The following DNMT3L variants were observed in gnomAD, a reference collection of about 807,000 sequenced individuals.
The protein encoded by DNMT3L is DNA methyltransferase 3 like.
DNMT3L carries 33 observed loss-of-function variants against 36.2 expected under a neutral mutation model. The observed-to-expected ratio is 0.91, with a 90% CI of 0.69 to 1.22. DNMT3L has a LOEUF of 1.22. Ranked by LOEUF, DNMT3L falls within the 50% of genes most tolerant of loss-of-function variation. The pLI is 0.00. For synonymous variants in DNMT3L, 117 were observed against 121.7 expected, an observed-to-expected ratio of 0.96 and a Z score of 0.26; for missense variants, 310 against 303.1, an observed-to-expected ratio of 1.02 and a Z score of -0.17.
At chr21:44,254,768 C>G in intron 7 of DNMT3L, 63 bp from the exon 8 acceptor site, 1 of 1,544,796 alleles carries the variant, frequency 6.5e-7, no homozygotes, top group Admixed American at 1.8e-5. Flanking sequence ...TACAGGGACT[C>G]GAAAAGGCTG....
intron 1 of DNMT3L, 146 bp from the exon 2 acceptor site, chr21:44,261,412 C>G: frequency 1.4e-6 from 1 of 708,604 alleles, no homozygotes; most frequent in Non-Finnish European, 2.4e-6. Flanking sequence ...CCCACCTGCC[C>G]AACCCAGGGA....
At chr21:44,253,545 C>T (rs529305443) in intron 8 of DNMT3L, among the ~76,000 whole-genome samples, 42 of 152,212 alleles carry the variant, frequency 2.8e-4, no homozygotes, top group African/African-American at 9.9e-4. Context: ...GGTGAAACCC[C>T]GTCTCTACTA....
rs764396119 is a variant in DNMT3L, at chr21:44,259,454, T to C, written c.327A>G (p.Gly109=). 1 of 1,613,618 alleles carries C rather than the reference T, an allele frequency of 6.2e-7. No individual in the cohort carries two copies. ...CGCCTCACCGGGTGCAATCAGGGTT[T>C]CCGCAGATGAGCAGCGTCTCTCCGG... is the stretch of plus-strand genomic sequence containing the variant. The part of the protein sequence containing the change: ...CCSGETLLIC[G]NPDCTRCYCF... The change falls in exon 5 of 12, where the codon GGA becomes GGG. Residue 109 remains glycine, a synonymous_variant. Transcript: ENST00000628202.
At chr21:44,260,407 A>G (rs2040306807) in intron 3 of DNMT3L, among the ~76,000 whole-genome samples, 1 of 152,214 alleles carries the variant, frequency 6.6e-6, no homozygotes, top group Non-Finnish European at 1.5e-5. Context: ...TATGCTTTAA[A>G]TGAAGCTACA....
Position 44,258,950 on chromosome 21 carries a change from C to G in DNMT3L, c.345-256G>C, listed in dbSNP as rs928305264. Among the ~76,000 whole-genome samples the G allele has an allele frequency of 3.9e-5, 6 of 152,132 alleles. No individual in the cohort carries two copies. The highest frequency in any genetic ancestry group is 3.9e-4 in the Admixed American group (6 of 15,268). On this transcript the variant is annotated intron_variant, in intron 5 of 11. Coordinates refer to ENST00000628202, the MANE Select transcript of DNMT3L (RefSeq NM_175867.3). The surrounding 1 kb of genome is among the most constrained non-coding windows in gnomAD (Gnocchi z 6.2). ...AGATCCAAGGAACCCCCTAAGCCAC[C>G]TGTCTGCCCCCAAACTCGAGCCTGC...
rs145033971 is a variant in DNMT3L, at chr21:44,258,558, G to T, written c.481C>A (p.Arg161Ser). Reference protein sequence around the residue: ...SGLLQRRRKWRSQLKAFYDRE... With the variant: ...SGLLQRRRKWSSQLKAFYDRE... ...TCGTAGAAGGCCTTGAGCTGGCTGC[G>T]CCACTTCCTCCGACGCTGCAGCAGC... Residue 161 changes from arginine to serine, a missense_variant, in exon 6 of 12, where the codon CGC (arginine) becomes AGC (serine). Physicochemically the swap from Arg to Ser is moderately radical, Grantham distance 110. Coordinates refer to ENST00000628202, the MANE Select transcript of DNMT3L (RefSeq NM_175867.3). The surrounding 1 kb of genome is among the most constrained non-coding windows in gnomAD (Gnocchi z 6.2). The T allele has an allele frequency of 6.4e-5, 103 of 1,597,650 alleles. No individual in the cohort carries two copies. The African/African-American group carries it at 1.2e-3, about 18-fold the overall frequency.
intron 3 of DNMT3L, among the ~76,000 whole-genome samples, chr21:44,260,557 A>G (rs1175433761): frequency 6.6e-6 from 1 of 152,150 alleles, no homozygotes; most frequent in Non-Finnish European, 1.5e-5. Flanking sequence ...AGCTCAAGCA[A>G]TCCTCCCAAC....
chr21:44,256,773 G>A (rs2040262497), intron 6 of DNMT3L, among the ~76,000 whole-genome samples: 1 of 152,054 alleles, frequency 6.6e-6, no homozygotes. Flanking sequence ...GGCTAGGCGG[G>A]CAGCCAGCTC....
At chr21:44,261,404 C>T (rs2146360774) in intron 1 of DNMT3L, 138 bp from the exon 2 acceptor site, 2 of 733,962 alleles carry the variant, frequency 2.7e-6, no homozygotes, top group East Asian at 2.8e-5. Flanking sequence ...CGGTGACACC[C>T]ACCTGCCCAA....
intron 6 of DNMT3L, among the ~76,000 whole-genome samples, chr21:44,257,310 G>A (rs921652123): frequency 1.3e-5 from 2 of 152,186 alleles, no homozygotes; most frequent in East Asian, 1.9e-4. Context: ...CCGGGAGGCC[G>A]AGGTTGCAGT....
rs114172189 is a variant in DNMT3L at position 44,260,276 on chromosome 21, G to C, written c.151+519C>G. On this transcript the variant is annotated intron_variant, in intron 3 of 11. Transcript: ENST00000628202. ...GAGTTAAAAGAAGGGAAGCAAGAAG[G>C]GGGAATTTGGAGTGACTGTTACTAG... is the stretch of plus-strand genomic sequence containing the variant. 7.6e-3 allele frequency among the ~76,000 whole-genome samples: 1,151 copies of C among 152,222 alleles called. 13 individuals carry two copies. The highest frequency in any genetic ancestry group is 0.034 in the Middle Eastern group (10 of 294).
At position 44,254,628 on chromosome 21, in the gene DNMT3L, CTG is replaced by C; in HGVS notation, c.680_681del (p.Thr227SerfsTer26). On this transcript the variant is annotated frameshift_variant, in exon 8 of 12. Coordinates refer to ENST00000628202, the MANE Select transcript of DNMT3L (RefSeq NM_175867.3). LOFTEE classifies it high-confidence loss of function. The part of the protein sequence containing the change: ...QLKHVVDVTD[T>X]VRKDVEEWGP... Reference sequence around the variant, plus strand: ...ACGGCGGTACTCACATCCTTCCTCACTGTGTCTGTGACATCAACCACATGCTT... The same window carrying C: ...ACGGCGGTACTCACATCCTTCCTCACTGTCTGTGACATCAACCACATGCTT... 10 of 1,613,974 alleles carry C rather than the reference CTG, an allele frequency of 6.2e-6. No homozygotes were observed. Among genetic ancestry groups the C allele is most frequent in the Non-Finnish European group, 8.5e-6 (10 of 1,179,946 alleles).
intron 2 of DNMT3L, 76 bp downstream of exon 2, chr21:44,261,078 C>G (rs748433323): frequency 3.9e-6 from 6 of 1,553,366 alleles, no homozygotes; most frequent in Admixed American, 1.7e-5. Flanking sequence ...ACTCCAGAAG[C>G]CTGGAACTCC....
intron 7 of DNMT3L, 108 bp from the exon 8 acceptor site, chr21:44,254,813 G>A (rs2040244858): frequency 2.8e-6 from 3 of 1,077,918 alleles, no homozygotes; most frequent in Non-Finnish European, 1.3e-6. Flanking sequence ...CCATTAAGGA[G>A]CCAACTGTAT....
chr21:44,255,039 G>A (rs922245078), intron 7 of DNMT3L, among the ~76,000 whole-genome samples: 1 of 151,916 alleles, frequency 6.6e-6, no homozygotes, highest in Non-Finnish European at 1.5e-5. Context: ...TGTTGGCCAG[G>A]CTGGTCTCCA....
chr21:44,254,642 T>A lies in DNMT3L; in HGVS notation c.668A>T (p.Asp223Val). 1 of 1,614,012 alleles carries A rather than the reference T, an allele frequency of 6.2e-7. No homozygotes were observed. The highest frequency in any genetic ancestry group is 8.5e-7 in the Non-Finnish European group (1 of 1,179,978). ...ATCCTTCCTCACTGTGTCTGTGACATCAACCACATGCTTCAGTTGTCCCGG... is the reference window on the plus strand; with the variant it reads ...ATCCTTCCTCACTGTGTCTGTGACAACAACCACATGCTTCAGTTGTCCCGG... ...SDPGQLKHVV[D>V]VTDTVRKDVE... Residue 223 changes from aspartate to valine, a missense_variant, in exon 8 of 12, where the codon GAT (aspartate) becomes GTT (valine). By Grantham distance (152) the Asp-to-Val change is radical (BLOSUM62 -3). Coordinates refer to ENST00000628202, the MANE Select transcript of DNMT3L (RefSeq NM_175867.3).
chr21:44,261,035 GCCC>G, intron 2 of DNMT3L, 116 bp downstream of exon 2: 1 of 1,402,294 alleles, frequency 7.1e-7, no homozygotes, highest in East Asian at 2.3e-5. Flanking sequence ...GGAACCTCCT[GCCC>G]CAGCCCGGGT....
At chr21:44,257,427 A>G (rs1389120511) in intron 6 of DNMT3L, among the ~76,000 whole-genome samples, 2 of 152,006 alleles carry the variant, frequency 1.3e-5, no homozygotes, top group African/African-American at 4.8e-5. Flanking sequence ...CACGCCTGTA[A>G]TCCCAGCACT....
rs1568917791 is a variant in DNMT3L, at chr21:44,260,841, TG to T, written c.107-3del. On this transcript the variant is annotated splice_polypyrimidine_tract_variant and splice_region_variant and intron_variant, in intron 2 of 11. Coordinates refer to ENST00000628202, the MANE Select transcript of DNMT3L (RefSeq NM_175867.3). ...CCTTGACTTCATATGCAATAAGATC[TG>T]GAAAGGAAGATAAGAAGTAGCCCCT... 1 of 1,613,054 alleles carries T rather than the reference TG, an allele frequency of 6.2e-7. No individual in the cohort carries two copies. Among genetic ancestry groups the T allele is most frequent in the African/African-American group, 1.3e-5 (1 of 75,034 alleles).
Sources: gnomAD v4.1 joint callset for allele counts (sites outside exome capture counted in the v4.1 genomes callset) on GRCh38, gnomAD v4.1.1 for gene constraint, Gnocchi (gnomAD v3.1) non-coding constraint, MANE v1.5 for transcripts, NCBI Gene and HGNC (gene_info 2026-07-23, HGNC 2026-07-21) for gene names.